Variants in PKNOX2 observed in about 807,000 individuals in gnomAD.
The protein encoded by PKNOX2 is homeobox protein PKNOX2.
A neutral mutation model predicts 53.1 loss-of-function variants in PKNOX2; 14 were observed. The ratio of observed to expected loss-of-function variants is 0.26; its 90% confidence interval spans 0.17 to 0.41. The LOEUF (loss-of-function observed/expected upper bound fraction) is 0.41. Among genes scored for constraint, PKNOX2 ranks in the 10% least tolerant of loss-of-function variants. The pLI, the probability that PKNOX2 is intolerant of heterozygous loss-of-function variation, is 1.00. For synonymous variants in PKNOX2, 257 were observed against 242.8 expected, an observed-to-expected ratio of 1.06 and a Z score of -0.54; for missense variants, 496 against 602.8, an observed-to-expected ratio of 0.82 and a Z score of 1.85.
chr11:125,274,367 C>G (rs1238551332), intron 2 of PKNOX2, among the ~76,000 whole-genome samples: 1 of 152,166 alleles, frequency 6.6e-6, no homozygotes, highest in East Asian at 1.9e-4. Context: ...CATCCCAGCT[C>G]GCTGAGGGGT....
At chr11:125,326,643 G>A (rs991832205) in intron 2 of PKNOX2, among the ~76,000 whole-genome samples, 2 of 152,156 alleles carry the variant, frequency 1.3e-5, no homozygotes, top group African/African-American at 4.8e-5. Context: ...CAGCCTCATT[G>A]CCTTGGTGAA....
At chr11:125,272,110 A>G (rs1251699798) in intron 2 of PKNOX2, among the ~76,000 whole-genome samples, 2 of 152,212 alleles carry the variant, frequency 1.3e-5, no homozygotes, top group Admixed American at 6.5e-5. Flanking sequence ...CTCCTACATC[A>G]TTTGATACAA....
intron 7 of PKNOX2, among the ~76,000 whole-genome samples, chr11:125,403,886 C>A (rs1026049767): frequency 6.6e-6 from 1 of 152,190 alleles, no homozygotes; most frequent in South Asian, 2.1e-4. Flanking sequence ...CTGCCAGATG[C>A]GACTCTGCAG....
chr11:125,243,934 C>A (rs1943365590), intron 2 of PKNOX2, among the ~76,000 whole-genome samples: 2 of 152,128 alleles, frequency 1.3e-5, no homozygotes, highest in South Asian at 4.1e-4. Context: ...TACCTGGGAC[C>A]CTTAAAGCCT....
At chr11:125,331,652 G>C (rs1950150461) in intron 2 of PKNOX2, 167 bp from the exon 3 acceptor site, 1 of 152,578 alleles carries the variant, frequency 6.6e-6, no homozygotes, top group Admixed American at 6.5e-5. Context: ...CATTGAGAGA[G>C]AGTTGAATGG....
chr11:125,348,036 G>A (rs1346367351), intron 3 of PKNOX2, among the ~76,000 whole-genome samples: 2 of 152,124 alleles, frequency 1.3e-5, no homozygotes, highest in African/African-American at 4.8e-5. Context: ...GGTTTGCAGG[G>A]GCTCAGGCCT....
intron 2 of PKNOX2, among the ~76,000 whole-genome samples, chr11:125,272,012 C>A (rs1298025592): frequency 6.6e-6 from 1 of 152,248 alleles, no homozygotes. Context: ...GCTATAGCGA[C>A]AAATCACAGA....
At chr11:125,189,425 G>GTATATATATA (rs1279938561) in intron 1 of PKNOX2, among the ~76,000 whole-genome samples, 8 of 43,738 alleles carry the variant, frequency 1.8e-4, no homozygotes, top group East Asian at 6.5e-4. Context: ...GTGTGTGTGT[G>GTATATATATA]TGTGTGTGTG....
At chr11:125,169,730 C>T (rs1430342702) in intron 1 of PKNOX2, among the ~76,000 whole-genome samples, 1 of 152,236 alleles carries the variant, frequency 6.6e-6, no homozygotes, top group Non-Finnish European at 1.5e-5. Flanking sequence ...TTCTCAGCAG[C>T]AAAGTCACAT....
intron 2 of PKNOX2, among the ~76,000 whole-genome samples, chr11:125,294,291 G>A (rs919029651): frequency 1.3e-5 from 2 of 152,160 alleles, no homozygotes; most frequent in African/African-American, 4.8e-5. Context: ...ACACCCAGAA[G>A]CCTGAGGTAA....
chr11:125,258,824 C>T (rs1246173007), intron 2 of PKNOX2: 3 of 327,900 alleles, frequency 9.1e-6, no homozygotes, highest in Admixed American at 3.8e-5. Flanking sequence ...TTAACCCAAA[C>T]CAGAAGTTGC....
At chr11:125,306,788 G>A (rs993787202) in intron 2 of PKNOX2, among the ~76,000 whole-genome samples, 11 of 152,170 alleles carry the variant, frequency 7.2e-5, no homozygotes, top group Admixed American at 4.6e-4. Flanking sequence ...ATTCTAGGTC[G>A]GACCATGGGC....
At chr11:125,269,025 A>C (rs1945577667) in intron 2 of PKNOX2, among the ~76,000 whole-genome samples, 1 of 152,194 alleles carries the variant, frequency 6.6e-6, no homozygotes, top group Non-Finnish European at 1.5e-5. Context: ...GATGCTGCCA[A>C]AGGTGGTCCC....
At chr11:125,293,453 T>G (rs1947439807) in intron 2 of PKNOX2, among the ~76,000 whole-genome samples, 1 of 152,170 alleles carries the variant, frequency 6.6e-6, no homozygotes, top group Non-Finnish European at 1.5e-5. Flanking sequence ...CTCACCACAG[T>G]GTTAGATGTT....
intron 2 of PKNOX2, among the ~76,000 whole-genome samples, chr11:125,285,302 A>C (rs761146352): frequency 3.3e-5 from 5 of 152,162 alleles, no homozygotes; most frequent in Non-Finnish European, 7.3e-5. Flanking sequence ...TTGGGAAAAC[A>C]CACCCCAGAT....
intron 4 of PKNOX2, among the ~76,000 whole-genome samples, chr11:125,355,453 T>C (rs1951552933): frequency 2.0e-5 from 3 of 152,156 alleles, no homozygotes; most frequent in African/African-American, 7.2e-5. Flanking sequence ...GGGTCCTTGA[T>C]GCAGACCCCT....
intron 2 of PKNOX2, among the ~76,000 whole-genome samples, chr11:125,253,912 C>T (rs1184778076): frequency 6.6e-6 from 1 of 152,050 alleles, no homozygotes; most frequent in Non-Finnish European, 1.5e-5. Flanking sequence ...TTGTCAGGAA[C>T]ACACATCTCT....
chr11:125,224,832 T>C (rs940638569), intron 1 of PKNOX2, among the ~76,000 whole-genome samples: 1 of 152,170 alleles, frequency 6.6e-6, no homozygotes, highest in Admixed American at 6.5e-5. Context: ...GCTGGAGCCC[T>C]GTTAAGTTAT....
At chr11:125,411,503 TCTCTCTCC>T in intron 9 of PKNOX2, 13 of 440,724 alleles carry the variant, frequency 2.9e-5, no homozygotes, top group South Asian at 6.3e-5. Context: ...TCTCTCTCTC[TCTCTCTCC>T]CCCCCTTCCC....
Sources: allele counts gnomAD v4.1 joint callset (sites outside exome capture counted in the v4.1 genomes callset), GRCh38; gene constraint gnomAD v4.1.1; transcripts MANE v1.5; gene names NCBI Gene and HGNC (gene_info 2026-07-23, HGNC 2026-07-21).